GOLGA7: variants seen among roughly 807,000 people sequenced by gnomAD.
The protein encoded by GOLGA7 is golgin A7.
Under a neutral mutation model 21.1 loss-of-function variants are expected in GOLGA7, and 10 were observed. The ratio of observed to expected loss-of-function variants is 0.47; its 90% CI spans 0.29 to 0.80. GOLGA7 has a LOEUF of 0.80. GOLGA7 is among the 30% of genes least tolerant of loss of function. GOLGA7 has a pLI of 0.08. For synonymous variants in GOLGA7, 64 were observed against 62.6 expected, an observed-to-expected ratio of 1.02 and a Z score of -0.10; for missense variants, 114 against 166.8, an observed-to-expected ratio of 0.68 and a Z score of 1.74.
At position 41,490,815 on chromosome 8, in the gene GOLGA7, G is replaced by A; in HGVS notation, c.-40G>A. 1 of 1,212,936 alleles carries A rather than the reference G, an allele frequency of 8.2e-7. No homozygotes were observed. The highest frequency in any genetic ancestry group is 1.2e-6 in the Non-Finnish European group (1 of 840,310). The allele number at this position is 1,212,936 out of a possible 1,614,324, so 75.1% of individuals were successfully genotyped here. A position where few individuals can be genotyped will look rare whatever the true frequency, so the allele number is the denominator to read the frequency against. On this transcript the variant is annotated 5_prime_UTR_variant, in exon 1 of 5. Transcript: ENST00000357743. ...GCCGGGGCTCTGACTCGCGGTTGGT[G>A]TTCCCCCGACCCCGCAGCGCGGGGT...
chr8:41,496,804 C>CTTTTTTTTTT (rs34657481), intron 1 of GOLGA7, among the ~76,000 whole-genome samples: 3 of 91,656 alleles, frequency 3.3e-5, no homozygotes, highest in Non-Finnish European at 3.9e-5. Context: ...CAGTTTATTG[C>CTTTTTTTTTT]TTTTTTTTTT....
Position 41,510,674 on chromosome 8 carries a change from T to G in GOLGA7, c.*1106T>G, listed in dbSNP as rs1286773333. 1 of 152,642 alleles carries G rather than the reference T, an allele frequency of 6.6e-6. No homozygotes were observed. Among genetic ancestry groups the G allele is most frequent in the Non-Finnish European group, 1.5e-5 (1 of 68,078 alleles). The allele number at this position is 152,642 out of a possible 1,614,324, so 9.5% of individuals were successfully genotyped here. On this transcript the variant is annotated 3_prime_UTR_variant, in exon 5 of 5. Transcript: ENST00000357743. ...CCTAGGATCGGGGCTGCTTATGCCT[T>G]TCGTTTATCCTTGGGGTTTGAGAGC...
At chr8:41,496,966 C>A (rs1806033159) in intron 1 of GOLGA7, among the ~76,000 whole-genome samples, 1 of 151,924 alleles carries the variant, frequency 6.6e-6, no homozygotes, top group African/African-American at 2.4e-5. Context: ...CGCCACCATG[C>A]CCGGCTAATT....
At chr8:41,506,151 G>A (rs1431247713) in intron 3 of GOLGA7, 139 bp downstream of exon 3, 1 of 532,156 alleles carries the variant, frequency 1.9e-6, no homozygotes, top group East Asian at 3.2e-5. Flanking sequence ...CATACCTACT[G>A]TAAACCCCGT....
chr8:41,505,741 T>A (rs1806269521), intron 2 of GOLGA7, 170 bp from the exon 3 acceptor site: 1 of 483,514 alleles, frequency 2.1e-6, no homozygotes. Context: ...CTTGGCTGTA[T>A]GTCATATGCA....
intron 2 of GOLGA7, among the ~76,000 whole-genome samples, chr8:41,501,277 G>A (rs1806143388): frequency 6.6e-6 from 1 of 151,096 alleles, no homozygotes. Context: ...CATGTGGTTA[G>A]TGCTTAATAA....
chr8:41,504,134 AAACAAAAC>A (rs1440963932), intron 2 of GOLGA7, among the ~76,000 whole-genome samples: 4 of 129,438 alleles, frequency 3.1e-5, no homozygotes, highest in Non-Finnish European at 5.0e-5. Context: ...AAAAAAAAAA[AAACAAAAC>A]AAAACAAAAA....
At chr8:41,500,659 G>T (rs1371709013) in intron 2 of GOLGA7, among the ~76,000 whole-genome samples, 3 of 152,160 alleles carry the variant, frequency 2.0e-5, no homozygotes, top group Admixed American at 2.0e-4. Context: ...CGAACTCCTG[G>T]GCTCAAGCGA....
chr8:41,497,554 C>T lies in GOLGA7; in HGVS notation c.157C>T (p.Leu53Phe). ...FEETVRTLNN[L>F]YAEAEKLGGQ... ...AGAAACAGTTCGAACTCTAAATAACCTTTATGCAGAAGCAGAGAAGCTCGG... is the reference window on the plus strand; with the variant it reads ...AGAAACAGTTCGAACTCTAAATAACTTTTATGCAGAAGCAGAGAAGCTCGG... Residue 53 changes from leucine to phenylalanine, a missense_variant, in exon 2 of 5, where the codon CTT (leucine) becomes TTT (phenylalanine). Transcript: ENST00000357743. 6.3e-7 allele frequency: 1 copy of T among 1,591,438 alleles called. No individual in the cohort carries two copies. The highest frequency in any genetic ancestry group is 1.1e-5 in the South Asian group (1 of 90,442).
At chr8:41,505,425 CTTATATCA>C (rs1303175091) in intron 2 of GOLGA7, among the ~76,000 whole-genome samples, 1 of 152,192 alleles carries the variant, frequency 6.6e-6, no homozygotes, top group Non-Finnish European at 1.5e-5. Context: ...ATAAGCCCAC[CTTATATCA>C]TTACTTTAAA....
intron 1 of GOLGA7, among the ~76,000 whole-genome samples, chr8:41,492,942 A>G (rs1482646480): frequency 6.6e-6 from 1 of 152,216 alleles, no homozygotes; most frequent in African/African-American, 2.4e-5. Context: ...TCTAAGTGCA[A>G]AAGCACAATG....
At chr8:41,505,577 A>T (rs555873909) in intron 2 of GOLGA7, among the ~76,000 whole-genome samples, 3 of 152,226 alleles carry the variant, frequency 2.0e-5, no homozygotes, top group Non-Finnish European at 2.9e-5. Flanking sequence ...TTGAGCAGCC[A>T]TTGTGTATAT....
intron 2 of GOLGA7, among the ~76,000 whole-genome samples, chr8:41,500,943 C>G (rs985412173): frequency 2.6e-5 from 4 of 152,144 alleles, no homozygotes. Flanking sequence ...GCTGAATTCA[C>G]ATAGGTAGAA....
At chr8:41,500,064 G>C (rs907219034) in intron 2 of GOLGA7, among the ~76,000 whole-genome samples, 1 of 152,190 alleles carries the variant, frequency 6.6e-6, no homozygotes, top group Non-Finnish European at 1.5e-5. Context: ...GGATTTGTTT[G>C]CTCAGTAACT....
At chr8:41,506,765 A>C (rs1222948027) in intron 3 of GOLGA7, among the ~76,000 whole-genome samples, 2 of 152,140 alleles carry the variant, frequency 1.3e-5, no homozygotes, top group Admixed American at 1.3e-4. Flanking sequence ...ATGGATTCTC[A>C]GTTAAGAACT....
chr8:41,493,584 C>T (rs1719023214), intron 1 of GOLGA7, among the ~76,000 whole-genome samples: 1 of 152,136 alleles, frequency 6.6e-6, no homozygotes, highest in Non-Finnish European at 1.5e-5. Flanking sequence ...ATCTTAGTTA[C>T]CCTTGGTCTG....
intron 2 of GOLGA7, among the ~76,000 whole-genome samples, chr8:41,501,758 T>C (rs1039202774): frequency 6.6e-6 from 1 of 152,230 alleles, no homozygotes; most frequent in Non-Finnish European, 1.5e-5. Flanking sequence ...AACTCACATA[T>C]GATTTTTTAT....
intron 1 of GOLGA7, among the ~76,000 whole-genome samples, chr8:41,493,919 G>A (rs1283668704): frequency 6.6e-6 from 1 of 152,160 alleles, no homozygotes; most frequent in Non-Finnish European, 1.5e-5. Flanking sequence ...AAGGTAGTAA[G>A]ATACAAATGC....
rs1313262844 is a variant in GOLGA7, at chr8:41,509,758, A to T, written c.*190A>T. On this transcript the variant is annotated 3_prime_UTR_variant, in exon 5 of 5. Coordinates refer to ENST00000357743, the MANE Select transcript of GOLGA7 (RefSeq NM_001002296.2). ...AGTGACCTCTAGTCGCTCAGCATCCACTTTGTGTCTCCAAATTGTGTAGGA... is the reference window on the plus strand; with the variant it reads ...AGTGACCTCTAGTCGCTCAGCATCCTCTTTGTGTCTCCAAATTGTGTAGGA... The T allele has an allele frequency of 6.6e-6, 1 of 152,622 alleles. No homozygotes were observed. Among genetic ancestry groups the T allele is most frequent in the Non-Finnish European group, 1.5e-5 (1 of 68,042 alleles). 9.5% of individuals were successfully genotyped at this position (152,622 alleles called of 1,614,324 possible). A position where few individuals can be genotyped will look rare whatever the true frequency, so the allele number is the denominator to read the frequency against.
Sources: allele counts gnomAD v4.1 joint callset (sites outside exome capture counted in the v4.1 genomes callset), GRCh38; gene constraint gnomAD v4.1.1; transcripts MANE v1.5; gene names NCBI Gene and HGNC (gene_info 2026-07-23, HGNC 2026-07-21).